The following CR1L variants were observed in gnomAD, a reference collection of about 807,000 sequenced individuals.
CR1L encodes the protein complement C3b/C4b receptor 1 like.
A neutral mutation model predicts 62.3 loss-of-function variants in CR1L; 59 were observed. The ratio of observed to expected loss-of-function variants is 0.95; its 90% confidence interval spans 0.77 to 1.18. The LOEUF is 1.18. Among genes scored for constraint, CR1L ranks in the 50% most tolerant of loss-of-function variants. The pLI is 0.00. For missense variants in CR1L, 700 were observed against 702.8 expected (o/e 1.00, Z 0.04); for synonymous variants, 279 against 248.7 (o/e 1.12, Z -1.15).
chr1:207,676,364 TAGGAGGTGAGCGGCCAAGC>T (rs1470084328), intron 1 of CR1L, among the ~76,000 whole-genome samples: 2 of 152,258 alleles, frequency 1.3e-5, no homozygotes, highest in East Asian at 3.9e-4. Context: ...AGCAGAACAG[TAGGAGGTGAGCGGCCAAGC>T]ATTACTGCCT....
intron 3 of CR1L, 50 bp from the exon 4 acceptor site, chr1:207,683,822 T>G: frequency 2.0e-6 from 3 of 1,521,300 alleles, no homozygotes; most frequent in Non-Finnish European, 2.7e-6. Flanking sequence ...TTTAATTGGG[T>G]AGTTGACCTG....
chr1:207,705,945 G>T (rs1456848206), intron 9 of CR1L, among the ~76,000 whole-genome samples: 2 of 150,208 alleles, frequency 1.3e-5, no homozygotes, highest in Non-Finnish European at 3.0e-5. Flanking sequence ...GCACACGAAT[G>T]AATATATGTA....
At chr1:207,645,486 C>T (rs1663106319) in intron 1 of CR1L, among the ~76,000 whole-genome samples, 156 bp downstream of exon 1, 1 of 152,152 alleles carries the variant, frequency 6.6e-6, no homozygotes, top group South Asian at 2.1e-4. Context: ...GCTCAGATCC[C>T]GGGGGTATGT....
At chr1:207,681,619 C>T (rs1263325850) in intron 3 of CR1L, among the ~76,000 whole-genome samples, 1 of 152,256 alleles carries the variant, frequency 6.6e-6, no homozygotes, top group East Asian at 1.9e-4. Flanking sequence ...ATGTTCAGTA[C>T]TACAACACTG....
rs1272714446 is a variant in CR1L, at chr1:207,669,807, G to A, written c.98-7582G>A. 5.3e-5 allele frequency among the ~76,000 whole-genome samples: 8 copies of A among 151,396 alleles called. No homozygotes were observed. The East Asian group carries it at 1.5e-3, about 29-fold the overall frequency. On this transcript the variant is annotated intron_variant, in intron 1 of 11. Coordinates refer to ENST00000508064, the MANE Select transcript of CR1L (RefSeq NM_175710.2). ...CACGTGCAGGGGCTTAAGTCGTGAC[G>A]AGCGCAGTGGAAGGCGCAGATGCTG...
chr1:207,690,149 G>T (rs1188967753), intron 4 of CR1L, among the ~76,000 whole-genome samples: 1 of 151,364 alleles, frequency 6.6e-6, no homozygotes, highest in Non-Finnish European at 1.5e-5. Flanking sequence ...TTTAAGCTTT[G>T]TGTACTCCTC....
rs116829563 is a variant in CR1L, at chr1:207,694,551, C to T, written c.662C>T (p.Ala221Val). The T allele has an allele frequency of 4.1e-3, 6,575 of 1,612,614 alleles. 227 individuals are homozygous for T. The African/African-American group carries it at 0.075, about 18-fold the overall frequency. The change falls in exon 5 of 12, where the codon GCC becomes GTC. Residue 221 changes from alanine (A) to valine (V), a missense_variant. Coordinates refer to ENST00000508064, the MANE Select transcript of CR1L (RefSeq NM_175710.2). ...DDQVGIWSGPAPQCIIPNKCT... is the reference protein window; with the variant it reads ...DDQVGIWSGPVPQCIIPNKCT... ...CAAGTGGGCATCTGGAGTGGCCCAG[C>T]CCCTCAGTGCATTATACCTAACAAA...
intron 3 of CR1L, among the ~76,000 whole-genome samples, chr1:207,681,065 G>A (rs934751044): frequency 6.6e-6 from 1 of 152,108 alleles, no homozygotes; most frequent in African/African-American, 2.4e-5. Context: ...ATTATTTAAG[G>A]TTAACAATGT....
At chr1:207,713,810 T>C (rs1193318212) in intron 10 of CR1L, among the ~76,000 whole-genome samples, 1 of 152,192 alleles carries the variant, frequency 6.6e-6, no homozygotes, top group Non-Finnish European at 1.5e-5. Context: ...CATTTGATAA[T>C]GCCTGCAGCC....
In CR1L at chr1:207,658,157, C is replaced by T. The variant is rs76311968; in HGVS notation, c.97+12827C>T. The stretch of plus-strand genomic sequence containing the variant: ...GCTTACAGGGGAATGTATAGCATAA[C>T]ATACTTACGTTAGAAAAAAAAGAAA... On this transcript the variant is annotated intron_variant, in intron 1 of 11. Transcript: ENST00000508064. Among the ~76,000 whole-genome samples the T allele has an allele frequency of 6.6e-3, 1,011 of 152,052 alleles. 9 individuals carry two copies. Among genetic ancestry groups the T allele is most frequent in the Middle Eastern group, 0.024 (7 of 294 alleles).
intron 1 of CR1L, chr1:207,657,320 A>G (rs1430870853): frequency 6.2e-5 from 66 of 1,069,216 alleles, no homozygotes; most frequent in Non-Finnish European, 9.5e-5. Context: ...AGAGTGTAAA[A>G]GTCACCTTTC....
chr1:207,699,620 CCTT>C (rs899801076), intron 8 of CR1L, among the ~76,000 whole-genome samples: 10 of 151,778 alleles, frequency 6.6e-5, no homozygotes, highest in Non-Finnish European at 1.2e-4. Context: ...TTCTTTTTTC[CCTT>C]CTTCTCTCCC....
chr1:207,668,813 C>T lies in CR1L; in HGVS notation c.98-8576C>T, dbSNP rs1383373820. On this transcript the variant is annotated intron_variant, in intron 1 of 11. Transcript: ENST00000508064. Reference sequence around the variant, plus strand: ...CCACCATCAAACCTCACTTGGATGTCAGCAAAAGCTCCCTGGCTGGTCTCC... The same window carrying T: ...CCACCATCAAACCTCACTTGGATGTTAGCAAAAGCTCCCTGGCTGGTCTCC... 3.3e-5 allele frequency among the ~76,000 whole-genome samples: 5 copies of T among 151,184 alleles called. No homozygotes were observed. The East Asian group carries it at 7.7e-4, about 23-fold the overall frequency.
rs190944588 is a variant in CR1L, at chr1:207,648,408, A to G, written c.97+3078A>G. Reference sequence around the variant, plus strand: ...ATCAAGACAGGTATGAAACCTAGAGAAAGTAAAAATGAGAACTCACGATGC... The same window carrying G: ...ATCAAGACAGGTATGAAACCTAGAGGAAGTAAAAATGAGAACTCACGATGC... On this transcript the variant is annotated intron_variant, in intron 1 of 11. Coordinates refer to ENST00000508064, the MANE Select transcript of CR1L (RefSeq NM_175710.2). 3.9e-4 allele frequency among the ~76,000 whole-genome samples: 59 copies of G among 152,312 alleles called. 2 individuals carry two copies. Among genetic ancestry groups the G allele is most frequent in the African/African-American group, 1.4e-3 (58 of 41,576 alleles).
chr1:207,670,035 T>C (rs925434819), intron 1 of CR1L, among the ~76,000 whole-genome samples: 3 of 151,036 alleles, frequency 2.0e-5, no homozygotes, highest in African/African-American at 7.4e-5. Context: ...TATCTCTGCA[T>C]TGTGGAGTTG....
At chr1:207,709,580 A>T (rs999786914) in intron 10 of CR1L, among the ~76,000 whole-genome samples, 1 of 152,216 alleles carries the variant, frequency 6.6e-6, no homozygotes, top group African/African-American at 2.4e-5. Context: ...TCACACCTGT[A>T]ATTCCAGTAC....
At chr1:207,723,441 C>A (rs1269943445) in intron 11 of CR1L, among the ~76,000 whole-genome samples, 177 bp from the exon 12 acceptor site, 1 of 149,920 alleles carries the variant, frequency 6.7e-6, no homozygotes, top group East Asian at 2.0e-4. Context: ...AAAAAAAAAT[C>A]TTCTCTGAGT....
chr1:207,678,429 G>A, intron 3 of CR1L, 132 bp downstream of exon 3: 3 of 742,060 alleles, frequency 4.0e-6, no homozygotes, highest in Non-Finnish European at 6.6e-6. Context: ...CAACACAGGT[G>A]CTTAGCTCCT....
chr1:207,690,384 C>A (rs2102466079), intron 4 of CR1L, among the ~76,000 whole-genome samples: 1 of 152,226 alleles, frequency 6.6e-6, no homozygotes, highest in South Asian at 2.1e-4. Flanking sequence ...ATTTGGAGAT[C>A]TTCTAGTTAT....
Sources: gnomAD v4.1 joint callset for allele counts (sites outside exome capture counted in the v4.1 genomes callset) on GRCh38, gnomAD v4.1.1 for gene constraint, MANE v1.5 for transcripts, NCBI Gene and HGNC (gene_info 2026-07-23, HGNC 2026-07-21) for gene names.